The following PHACTR1 variants were observed in gnomAD, a reference collection of about 807,000 sequenced individuals.
PHACTR1 encodes phosphatase and actin regulator 1.
PHACTR1 carries 16 observed loss-of-function variants against 69.2 expected under a neutral mutation model. The observed-to-expected ratio is 0.23, with a 90% CI of 0.16 to 0.35. The LOEUF (loss-of-function observed/expected upper bound fraction) is 0.35, where lower values mean the gene tolerates loss of function less well. PHACTR1 is among the 10% of genes least tolerant of loss of function. The pLI is 1.00. For missense variants in PHACTR1, 510 were observed against 734.7 expected, an observed-to-expected ratio of 0.69 and a Z score of 3.54; for synonymous variants, 312 against 284.5, an observed-to-expected ratio of 1.10 and a Z score of -0.97.
chr6:12,829,964 AAGAGAGAGAGAGAG>A (rs149861206), intron 4 of PHACTR1, among the ~76,000 whole-genome samples: 8 of 99,854 alleles, frequency 8.0e-5, no homozygotes, highest in African/African-American at 1.8e-4. Flanking sequence ...TCAAGAAAGA[AAGAGAGAGAGAGAG>A]AGAGAGAGAG....
At chr6:13,001,790 C>T (rs911064534) in intron 4 of PHACTR1, among the ~76,000 whole-genome samples, 1 of 152,222 alleles carries the variant, frequency 6.6e-6, no homozygotes, top group Non-Finnish European at 1.5e-5. Flanking sequence ...TCCTCCTGAT[C>T]ATGCTTGAGT....
rs934515356 is a variant in PHACTR1 at position 12,851,071 on chromosome 6, G to A, written c.250+101281G>A. On this transcript the variant is annotated intron_variant, in intron 4 of 14. Coordinates refer to ENST00000332995, the MANE Select transcript of PHACTR1 (RefSeq NM_030948.6). ...AATCTTCCCAATTTTAAGAGAGTTC[G>A]TGTGTTCACACATCTGAAAAATTCT... Among the ~76,000 whole-genome samples, 7 of 152,222 alleles carry A rather than the reference G, an allele frequency of 4.6e-5. No homozygotes were observed. In the Middle Eastern group the frequency reaches 0.014, roughly 296 times the overall value.
intron 7 of PHACTR1, 71 bp from the exon 8 acceptor site, chr6:13,205,744 G>A (rs938632219): frequency 3.2e-5 from 45 of 1,388,386 alleles, no homozygotes; most frequent in South Asian, 3.1e-4. Context: ...CCAGGTGAGC[G>A]CATCTGGTGT....
intron 4 of PHACTR1, among the ~76,000 whole-genome samples, chr6:13,047,377 CAAAAAAA>C (rs35293642): frequency 1.8e-5 from 1 of 54,792 alleles, no homozygotes; most frequent in African/African-American, 5.6e-5. Context: ...AACCCTGTCT[CAAAAAAA>C]AAAAAAAAAA....
At chr6:12,900,086 ATC>A (rs1785039350) in intron 4 of PHACTR1, among the ~76,000 whole-genome samples, 1 of 152,094 alleles carries the variant, frequency 6.6e-6, no homozygotes, top group Non-Finnish European at 1.5e-5. Flanking sequence ...TGGCAACCCT[ATC>A]TCTGACATAC....
rs373777800 is a variant in PHACTR1, at chr6:13,271,197, C to T, written c.1392-1663C>T. 2.3e-4 allele frequency among the ~76,000 whole-genome samples: 35 copies of T among 152,006 alleles called. 1 individual carries two copies. The highest frequency in any genetic ancestry group is 3.4e-3 in the Middle Eastern group (1 of 294). ...CTAATTTTTGTATTTTTAATAGAGA[C>T]GGGGTTTCGCCACAAAGTTTTAAAT... On this transcript the variant is annotated intron_variant, in intron 10 of 14. Coordinates refer to ENST00000332995, the MANE Select transcript of PHACTR1 (RefSeq NM_030948.6).
In PHACTR1 at chr6:13,143,242, CAAT is replaced by C. The variant is rs1822780173; in HGVS notation, c.416-16955_416-16953del. Among the ~76,000 whole-genome samples, 6 of 152,070 alleles carry C rather than the reference CAAT, an allele frequency of 3.9e-5. No individual in the cohort carries two copies. In the South Asian group the frequency reaches 1.2e-3, roughly 32 times the overall value. On this transcript the variant is annotated intron_variant, in intron 5 of 14. Transcript: ENST00000332995. ...GCTAGCACAACAGGGTGACTATAGT[CAAT>C]AATAATTTAATCTTACATTTAAAAA...
intron 4 of PHACTR1, among the ~76,000 whole-genome samples, chr6:12,897,698 TTTA>T (rs10526737): frequency 0.073 from 10,805 of 148,764 alleles, 482 homozygotes; most frequent in African/African-American, 0.11. Flanking sequence ...TTTGTAATCT[TTTA>T]TTATTATTAT....
chr6:12,943,704 C>T (rs1409829421), intron 4 of PHACTR1, among the ~76,000 whole-genome samples: 3 of 152,070 alleles, frequency 2.0e-5, no homozygotes, highest in Non-Finnish European at 2.9e-5. Flanking sequence ...GGGAAGGTGC[C>T]GTTGCTTTGG....
intron 10 of PHACTR1, 128 bp downstream of exon 10, chr6:13,230,321 G>T: frequency 1.3e-6 from 2 of 1,509,108 alleles, no homozygotes; most frequent in Non-Finnish European, 1.8e-6. Flanking sequence ...GGAGGCCGAG[G>T]CAGGTGGATC....
intron 5 of PHACTR1, among the ~76,000 whole-genome samples, chr6:13,147,371 C>T (rs1243615077): frequency 6.6e-6 from 1 of 152,206 alleles, no homozygotes; most frequent in Non-Finnish European, 1.5e-5. Context: ...CCTTGCAAAG[C>T]TATCTTCTCT....
At chr6:13,055,624 G>C (rs1806656473) in intron 5 of PHACTR1, among the ~76,000 whole-genome samples, 1 of 152,234 alleles carries the variant, frequency 6.6e-6, no homozygotes, top group Non-Finnish European at 1.5e-5. Flanking sequence ...TTGTCACCAT[G>C]AATCTCTGAA....
intron 4 of PHACTR1, among the ~76,000 whole-genome samples, chr6:13,029,285 C>T (rs1301849084): frequency 6.6e-6 from 1 of 152,184 alleles, no homozygotes; most frequent in Non-Finnish European, 1.5e-5. Flanking sequence ...GTCTGGACTT[C>T]AGGGGATGCC....
chr6:13,142,121 TTAAAA>T (rs1220276449), intron 5 of PHACTR1, among the ~76,000 whole-genome samples: 3 of 152,206 alleles, frequency 2.0e-5, no homozygotes, highest in Admixed American at 1.3e-4. Flanking sequence ...CATTATTCAA[TTAAAA>T]TAAAAGCAGT....
At chr6:12,885,087 C>T (rs1454682655) in intron 4 of PHACTR1, among the ~76,000 whole-genome samples, 1 of 152,188 alleles carries the variant, frequency 6.6e-6, no homozygotes. Flanking sequence ...CACTCAGAGA[C>T]AGTGCAGAGC....
At chr6:13,155,311 T>C (rs767016329) in intron 5 of PHACTR1, among the ~76,000 whole-genome samples, 7 of 152,180 alleles carry the variant, frequency 4.6e-5, no homozygotes, top group Non-Finnish European at 1.0e-4. Flanking sequence ...AAGCCCTGGG[T>C]CTGGGAGAAT....
At chr6:13,199,383 C>CAAAA (rs59070503) in intron 7 of PHACTR1, among the ~76,000 whole-genome samples, 17 of 78,250 alleles carry the variant, frequency 2.2e-4, no homozygotes, top group East Asian at 1.1e-3. Flanking sequence ...GAGTCCATCT[C>CAAAA]AAAAAAAAAA....
chr6:12,956,399 A>G (rs1202643543), intron 4 of PHACTR1, among the ~76,000 whole-genome samples: 1 of 152,046 alleles, frequency 6.6e-6, no homozygotes, highest in Non-Finnish European at 1.5e-5. Context: ...CTTGCTCCTT[A>G]GTGGGTATCA....
intron 4 of PHACTR1, among the ~76,000 whole-genome samples, chr6:12,808,790 C>CCTCCTTCTT (rs887002653): frequency 2.1e-5 from 3 of 141,510 alleles, no homozygotes; most frequent in Non-Finnish European, 4.6e-5. Context: ...TTCTCCTTCT[C>CCTCCTTCTT]CTCCTTCTTC....
Sources: gnomAD v4.1 joint callset for allele counts (sites outside exome capture counted in the v4.1 genomes callset) on GRCh38, gnomAD v4.1.1 for gene constraint, MANE v1.5 for transcripts, NCBI Gene and HGNC (gene_info 2026-07-23, HGNC 2026-07-21) for gene names.